The following EED variants were observed in gnomAD, a reference collection of about 807,000 sequenced individuals.
EED encodes embryonic ectoderm development, also known as polycomb protein EED.
A neutral mutation model predicts 61.0 loss-of-function variants in EED; 9 were observed. The observed-to-expected ratio is 0.15, with a 90% CI of 0.09 to 0.26. The LOEUF (loss-of-function observed/expected upper bound fraction) is 0.26. EED is among the 10% of genes least tolerant of loss of function. The pLI is 1.00. For missense variants in EED, 315 were observed against 542.3 expected, an observed-to-expected ratio of 0.58 and a Z score of 4.16; for synonymous variants, 187 against 174.4, an observed-to-expected ratio of 1.07 and a Z score of -0.57.
chr11:86,274,696 C>A (rs79226742), intron 9 of EED, among the ~76,000 whole-genome samples: 4 of 152,258 alleles, frequency 2.6e-5, no homozygotes, highest in East Asian at 3.9e-4. Context: ...TACTGCCCCC[C>A]CTAGTGGTCT....
At chr11:86,265,087 A>G (rs1041037655) in intron 7 of EED, 5 of 152,188 alleles carry the variant, frequency 3.3e-5, no homozygotes, top group Admixed American at 3.3e-4. Context: ...TTATGTGTGT[A>G]AAAGCCAAGT....
At chr11:86,250,735 A>G (rs1945510795) in intron 2 of EED, among the ~76,000 whole-genome samples, 1 of 152,256 alleles carries the variant, frequency 6.6e-6, no homozygotes, top group Admixed American at 6.5e-5. Context: ...TTGGGTAACT[A>G]TTACTCTTTA....
In EED at chr11:86,245,280, G is replaced by A. The variant is rs759736352; in HGVS notation, c.51G>A (p.Ala17=). 1.2e-6 allele frequency: 2 copies of A among 1,613,520 alleles called. No individual in the cohort carries two copies. The highest frequency in any genetic ancestry group is 2.2e-5 in the East Asian group (1 of 44,778). The part of the protein sequence containing the change: ...STAPAGTDMP[A]AKKQKLSSDE... ...CGCCGGCGGGAACAGACATGCCTGCGGCCAAGAAGCAGAAGCTGAGCAGTG... is the reference window on the plus strand; with the variant it reads ...CGCCGGCGGGAACAGACATGCCTGCAGCCAAGAAGCAGAAGCTGAGCAGTG... The change falls in exon 1 of 12, where the codon GCG becomes GCA. Residue 17 remains alanine (A), a synonymous_variant. Transcript: ENST00000263360.
At chr11:86,251,119 C>T (rs560608933) in intron 2 of EED, among the ~76,000 whole-genome samples, 28 of 152,044 alleles carry the variant, frequency 1.8e-4, no homozygotes, top group African/African-American at 6.3e-4. Context: ...TTATCTCATA[C>T]ATATGTAAGT....
At chr11:86,271,887 T>A (rs1460971925) in intron 9 of EED, among the ~76,000 whole-genome samples, 1 of 150,756 alleles carries the variant, frequency 6.6e-6, no homozygotes, top group Non-Finnish European at 1.5e-5. Flanking sequence ...TGTTTGCTAA[T>A]ATTTTGTTAA....
chr11:86,260,771 C>G (rs758926156), intron 6 of EED, among the ~76,000 whole-genome samples: 7 of 151,986 alleles, frequency 4.6e-5, no homozygotes, highest in Non-Finnish European at 7.4e-5. Context: ...AAGTATATTT[C>G]CATCAAATTA....
rs1946287548 is a variant in EED at position 86,278,803 on chromosome 11, T to C, written c.*278T>C. 3.6e-6 allele frequency: 1 copy of C among 278,388 alleles called. No individual in the cohort carries two copies. Among genetic ancestry groups the C allele is most frequent in the Non-Finnish European group, 6.7e-6 (1 of 149,932 alleles). The allele number at this position is 278,388 out of a possible 1,614,324, so 17.2% of individuals were successfully genotyped here. On this transcript the variant is annotated 3_prime_UTR_variant, in exon 12 of 12. Transcript: ENST00000263360. Reference sequence around the variant, plus strand: ...TTAAAAGTAATAAAATTATGCCTTATCTTTTTATAATGGTTGTTTTTTGTA... The same window carrying C: ...TTAAAAGTAATAAAATTATGCCTTACCTTTTTATAATGGTTGTTTTTTGTA...
At chr11:86,249,349 T>C (rs1158671292) in intron 1 of EED, among the ~76,000 whole-genome samples, 4 of 149,722 alleles carry the variant, frequency 2.7e-5, no homozygotes, top group African/African-American at 7.4e-5. Flanking sequence ...CCTAAAGCAG[T>C]GTTTCCTAGG....
At position 86,257,466 on chromosome 11, in the gene EED, T is replaced by A. The variant is rs377530389; in HGVS notation, c.553-49T>A. The A allele has an allele frequency of 1.9e-4, 278 of 1,453,902 alleles. No homozygotes were observed. The African/African-American group carries it at 3.3e-3, about 17-fold the overall frequency. The allele number at this position is 1,453,902 out of a possible 1,614,324, so 90.1% of individuals were successfully genotyped here. ...TTCTCTAAAGATTTATGAAAAAAAA[T>A]TTACTGATTTTGAGATAGGAAACTT... On this transcript the variant is annotated intron_variant, in intron 5 of 11. Coordinates refer to ENST00000263360, the MANE Select transcript of EED (RefSeq NM_003797.5).
Position 86,244,987 on chromosome 11 carries a change from G to A in EED, c.-243G>A, listed in dbSNP as rs1945346817. 20 of 441,786 alleles carry A rather than the reference G, an allele frequency of 4.5e-5. 1 individual carries two copies. In the South Asian group the frequency reaches 5.6e-4, roughly 12 times the overall value. The allele number at this position is 441,786 out of a possible 1,614,324, so 27.4% of individuals were successfully genotyped here. On this transcript the variant is annotated 5_prime_UTR_variant, in exon 1 of 12. Transcript: ENST00000263360. ...CGGGAAAAGGGCAAGACGGGAGTTG[G>A]GGAAGGGAAGGAGCCAGGAAGCCGC...
intron 7 of EED, 132 bp from the exon 8 acceptor site, chr11:86,265,951 T>A (rs1464903694): frequency 1.4e-6 from 1 of 712,432 alleles, no homozygotes; most frequent in Non-Finnish European, 2.2e-6. Context: ...ATGGCCTATT[T>A]AGATGAAACC....
intron 3 of EED, among the ~76,000 whole-genome samples, chr11:86,253,287 G>A (rs1389476981): frequency 2.0e-5 from 3 of 152,078 alleles, no homozygotes; most frequent in Non-Finnish European, 2.9e-5. Context: ...AAAATTTTGC[G>A]GTTTTAAGAA....
Position 86,278,685 on chromosome 11 carries a change from G to A in EED, c.*160G>A, listed in dbSNP as rs1593777491. On this transcript the variant is annotated 3_prime_UTR_variant, in exon 12 of 12. Coordinates refer to ENST00000263360, the MANE Select transcript of EED (RefSeq NM_003797.5). ...GATGTTTACATTGTTTACATTCTTT[G>A]TACTGTCTTCCTGCTCAGACTCTAC... The A allele has an allele frequency of 1.1e-6, 1 of 892,238 alleles. No homozygotes were observed. Among genetic ancestry groups the A allele is most frequent in the Non-Finnish European group, 1.6e-6 (1 of 642,234 alleles). 55.3% of individuals were successfully genotyped at this position (892,238 alleles called of 1,614,324 possible). A position where few individuals can be genotyped will look rare whatever the true frequency, so the allele number is the denominator to read the frequency against.
chr11:86,266,610 G>T (rs1329935281), intron 8 of EED, among the ~76,000 whole-genome samples: 1 of 152,086 alleles, frequency 6.6e-6, no homozygotes, highest in African/African-American at 2.4e-5. Flanking sequence ...TCTAATTCAA[G>T]ATGGTAAACC....
chr11:86,284,890 T>A, the EED span, among the ~76,000 whole-genome samples: 3 of 150,726 alleles, frequency 2.0e-5, no homozygotes, highest in South Asian at 2.1e-4. Context: ...GGTGGGCGGA[T>A]CATCTGAGGT....
chr11:86,277,184 A>G (rs143839328), intron 10 of EED, 46 bp downstream of exon 10: 10 of 1,485,060 alleles, frequency 6.7e-6, no homozygotes, highest in Non-Finnish European at 9.1e-6. Context: ...CTTATGAAAG[A>G]CCATTGTAAT....
At chr11:86,261,614 G>C (rs114924507) in intron 6 of EED, among the ~76,000 whole-genome samples, 111 of 152,300 alleles carry the variant, frequency 7.3e-4, no homozygotes, top group African/African-American at 2.3e-3. Context: ...TCTGCCTGGA[G>C]CCCCAGGCTC....
At chr11:86,266,639 G>A (rs1338392573) in intron 8 of EED, among the ~76,000 whole-genome samples, 2 of 152,088 alleles carry the variant, frequency 1.3e-5, no homozygotes, top group African/African-American at 4.8e-5. Context: ...AAACAATGGA[G>A]TTCTTAGCTC....
At chr11:86,285,678 A>C in the EED span, among the ~76,000 whole-genome samples, 1 of 151,922 alleles carries the variant, frequency 6.6e-6, no homozygotes. Flanking sequence ...GCTCACTGCA[A>C]CTTCCGCCTC....
Sources: allele counts gnomAD v4.1 joint callset (sites outside exome capture counted in the v4.1 genomes callset), GRCh38; gene constraint gnomAD v4.1.1; transcripts MANE v1.5; gene names NCBI Gene and HGNC (gene_info 2026-07-23, HGNC 2026-07-21).